Variants in AP3D1 observed in about 807,000 individuals in gnomAD.
AP3D1 encodes AP-3 complex subunit delta-1.
A neutral mutation model predicts 147.6 loss-of-function variants in AP3D1; 51 were observed. The ratio of observed to expected loss-of-function variants is 0.35; its 90% CI spans 0.28 to 0.44. AP3D1 has a LOEUF of 0.44. Among genes scored for constraint, AP3D1 ranks in the 20% least tolerant of loss-of-function variants. The pLI is 1.00. For synonymous variants in AP3D1, 760 were observed against 663.0 expected, an observed-to-expected ratio of 1.15 and a Z score of -2.25; for missense variants, 1,421 against 1,624.2, an observed-to-expected ratio of 0.87 and a Z score of 2.15.
chr19:2,138,743 C>T (rs1035689449), intron 1 of AP3D1, 29 bp from the exon 2 acceptor site: 7 of 1,502,140 alleles, frequency 4.7e-6, no homozygotes, highest in Middle Eastern at 1.7e-4. Flanking sequence ...ACAGAGATTA[C>T]AAACATCCAG....
At chr19:2,107,648 G>C (rs557829817) in intron 31 of AP3D1, among the ~76,000 whole-genome samples, 88 of 151,202 alleles carry the variant, frequency 5.8e-4, no homozygotes, top group Non-Finnish European at 1.1e-3. Context: ...GCTGAGGCAG[G>C]AGAATGGCGT....
At chr19:2,104,477 CCCAGACCCCAACACCAAGACACCAAT>C (rs2018053647) in intron 31 of AP3D1, among the ~76,000 whole-genome samples, 1 of 151,238 alleles carries the variant, frequency 6.6e-6, no homozygotes, top group Non-Finnish European at 1.5e-5. Flanking sequence ...GACACCAATG[CCCAGACCCCAACACCAAGACACCAAT>C]GCCCAGACCC....
At chr19:2,121,461 C>A (rs1011340515) in intron 12 of AP3D1, 150 bp from the exon 13 acceptor site, 2 of 1,145,068 alleles carry the variant, frequency 1.7e-6, no homozygotes, top group South Asian at 1.5e-5. Flanking sequence ...CAGGCCCCTG[C>A]GATGTGGGCT....
chr19:2,161,884 G>A (rs1242055265), intron 1 of AP3D1, among the ~76,000 whole-genome samples: 1 of 151,934 alleles, frequency 6.6e-6, no homozygotes, highest in Non-Finnish European at 1.5e-5. Context: ...AGGAGGCGCT[G>A]GTTGTAGTGA....
chr19:2,154,734 A>G (rs541774930), upstream of AP3D1, among the ~76,000 whole-genome samples: 1 of 152,388 alleles, frequency 6.6e-6, no homozygotes, highest in East Asian at 1.9e-4. Context: ...CCCTGGAGGA[A>G]GAAAAGCTAC....
intron 15 of AP3D1, among the ~76,000 whole-genome samples, 199 bp downstream of exon 15, chr19:2,118,402 T>C (rs1408048880): frequency 6.6e-6 from 1 of 152,174 alleles, no homozygotes; most frequent in Non-Finnish European, 1.5e-5. Flanking sequence ...GCCCCAGTCC[T>C]ACTGACGGAT....
chr19:2,151,004 G>A lies in AP3D1; in HGVS notation c.96+235C>T, dbSNP rs1017118672. ...CCCCCAGGTGATCCGATGAGGCGAG[G>A]ATCCGAGATGTGCTGCTCCAAGGCC... On this transcript the variant is annotated intron_variant, in intron 1 of 31. Coordinates refer to ENST00000643116, the MANE Select transcript of AP3D1 (RefSeq NM_001261826.3). Among the ~76,000 whole-genome samples, 9 of 152,270 alleles carry A rather than the reference G, an allele frequency of 5.9e-5. No homozygotes were observed. The South Asian group carries it at 8.3e-4, about 14-fold the overall frequency.
chr19:2,164,510 G>A, upstream of AP3D1: 1 of 308,524 alleles, frequency 3.2e-6, no homozygotes, highest in Non-Finnish European at 5.9e-6. Flanking sequence ...CCCTACCGCG[G>A]TGCCGTTGCC....
At chr19:2,136,867 AGGACTGTGGCTCCGGAAGCCC>A in intron 4 of AP3D1, 123 bp downstream of exon 4, 5 of 736,842 alleles carry the variant, frequency 6.8e-6, no homozygotes, top group Middle Eastern at 7.4e-4. Flanking sequence ...GTCTGCTGGG[AGGACTGTGGCTCCGGAAGCCC>A]CGCTCGCACT....
intron 1 of AP3D1, among the ~76,000 whole-genome samples, chr19:2,147,478 C>T (rs1266756853): frequency 4.1e-5 from 6 of 146,914 alleles, no homozygotes; most frequent in Non-Finnish European, 8.9e-5. Flanking sequence ...ACTGCTTGAA[C>T]CCAGGAGGCG....
At chr19:2,118,555 T>G in intron 15 of AP3D1, 46 bp downstream of exon 15, 3 of 1,565,922 alleles carry the variant, frequency 1.9e-6, no homozygotes, top group Non-Finnish European at 2.6e-6. Flanking sequence ...AGAAAGGCAC[T>G]GAGGGCTCCC....
chr19:2,117,337 T>A lies in AP3D1; in HGVS notation c.1744A>T (p.Ile582Phe). Residue 582 changes from isoleucine (I) to phenylalanine (F), a missense_variant, in exon 16 of 32, where the codon ATC (isoleucine) becomes TTC (phenylalanine). Around this residue, in one of 6 missense-constraint regions of AP3D1, gnomAD observed 310 missense variants for 388.1 expected, o/e 0.80. Coordinates refer to ENST00000643116, the MANE Select transcript of AP3D1 (RefSeq NM_001261826.3). ...ASCILQLVKHIQKLQAKDVPV... is the reference protein window; with the variant it reads ...ASCILQLVKHFQKLQAKDVPV... ...ACGTCCTTGGCCTGAAGCTTCTGGA[T>A]GTGCTTGACCAGCTGCAGGATGCAG... 6.2e-7 allele frequency: 1 copy of A among 1,611,248 alleles called. No individual in the cohort carries two copies. The highest frequency in any genetic ancestry group is 8.5e-7 in the Non-Finnish European group (1 of 1,179,220).
In AP3D1 at chr19:2,137,748, A is replaced by G. The variant is rs534747339; in HGVS notation, c.252T>C (p.Ser84=). ...WAAFNIIEVM[S]ASKFTFKRIG... Reference sequence around the variant, plus strand: ...TCACCTTGAAGGTGAACTTGGAGGCACTCATCACTTCTATGATGTTGAAGG... The same window carrying G: ...TCACCTTGAAGGTGAACTTGGAGGCGCTCATCACTTCTATGATGTTGAAGG... The change falls in exon 3 of 32, where the codon AGT becomes AGC. Residue 84 remains serine, a synonymous_variant. Coordinates refer to ENST00000643116, the MANE Select transcript of AP3D1 (RefSeq NM_001261826.3). 2 of 1,613,978 alleles carry G rather than the reference A, an allele frequency of 1.2e-6. No individual in the cohort carries two copies. Among genetic ancestry groups the G allele is most frequent in the African/African-American group, 1.3e-5 (1 of 75,012 alleles).
At chr19:2,153,080 A>G (rs1599504344), upstream of AP3D1, among the ~76,000 whole-genome samples, 1 of 148,834 alleles carries the variant, frequency 6.7e-6, no homozygotes, top group Non-Finnish European at 1.5e-5. Flanking sequence ...AAAAAAAGGC[A>G]GGGGGAGGGG....
intron 1 of AP3D1, among the ~76,000 whole-genome samples, chr19:2,159,546 T>TC (rs2019678452): frequency 6.6e-6 from 1 of 150,420 alleles, no homozygotes; most frequent in South Asian, 2.1e-4. Context: ...CCGCCACAGC[T>TC]CCCGGCTAAT....
At position 2,119,014 on chromosome 19, in the gene AP3D1, G is replaced by A. The variant is rs10408693; in HGVS notation, c.1482-182C>T. On this transcript the variant is annotated intron_variant, in intron 14 of 31. Transcript: ENST00000643116. ...AGAAACCACAGGCCGTCAACAGCCCGTAACACAAACAAGGCAGAGATGTGG... is the reference window on the plus strand; with the variant it reads ...AGAAACCACAGGCCGTCAACAGCCCATAACACAAACAAGGCAGAGATGTGG... Among the ~76,000 whole-genome samples the A allele has an allele frequency of 0.97, 147,490 of 152,322 alleles. 71,467 individuals carry two copies. Among genetic ancestry groups the A allele is most frequent in the East Asian group, 1 (5,178 of 5,180 alleles).
In AP3D1 at chr19:2,109,944, C is replaced by A. The variant is rs752197630; in HGVS notation, c.3279G>T (p.Ala1093=). 1 of 1,613,566 alleles carries A rather than the reference C, an allele frequency of 6.2e-7. No homozygotes were observed. Among genetic ancestry groups the A allele is most frequent in the Admixed American group, 1.7e-5 (1 of 60,008 alleles). The part of the protein sequence containing the change: ...LSFIAKNDEG[A]THEKLDFRLH... Reference sequence around the variant, plus strand: ...GCCTGAAGTCCAGCTTCTCGTGGGTCGCACCCTCGTCATTCTGCGGTGGAG... The same window carrying A: ...GCCTGAAGTCCAGCTTCTCGTGGGTAGCACCCTCGTCATTCTGCGGTGGAG... Residue 1093 remains alanine, a synonymous_variant, in exon 29 of 32, where the codon GCG becomes GCT. Coordinates refer to ENST00000643116, the MANE Select transcript of AP3D1 (RefSeq NM_001261826.3).
At chr19:2,113,913 G>C (rs947515171) in intron 22 of AP3D1, among the ~76,000 whole-genome samples, 2 of 152,090 alleles carry the variant, frequency 1.3e-5, no homozygotes, top group African/African-American at 4.8e-5. Flanking sequence ...TGGGATCGTT[G>C]GGTCCTCCTC....
intron 31 of AP3D1, among the ~76,000 whole-genome samples, chr19:2,108,279 C>T (rs1429603678): frequency 5.3e-5 from 8 of 152,190 alleles, no homozygotes; most frequent in Non-Finnish European, 8.8e-5. Flanking sequence ...CGACACACTG[C>T]GAAGACAACC....
Sources: gnomAD v4.1 joint callset for allele counts (sites outside exome capture counted in the v4.1 genomes callset) on GRCh38, gnomAD v4.1.1 for gene constraint, gnomAD v4.1.1 regional missense constraint, MANE v1.5 for transcripts, NCBI Gene and HGNC (gene_info 2026-07-23, HGNC 2026-07-21) for gene names.